Variants in PTK2 observed in about 807,000 individuals in gnomAD.
PTK2 encodes protein tyrosine kinase 2, also known as focal adhesion kinase 1.
In PTK2, 45 loss-of-function variants were observed where a neutral mutation model predicts 150.1. That is an observed-to-expected ratio of 0.30 (90% CI 0.24 to 0.38). The LOEUF (loss-of-function observed/expected upper bound fraction) is 0.38, where lower values mean the gene tolerates loss of function less well. Ranked by LOEUF, PTK2 falls within the 10% of genes least tolerant of loss-of-function variation. PTK2 has a pLI of 1.00. For synonymous variants in PTK2, 432 were observed against 449.2 expected (o/e 0.96, Z 0.48); for missense variants, 919 against 1,307.3 (o/e 0.70, Z 4.58).
At chr8:140,816,051 A>C (rs1243682010) in intron 10 of PTK2, among the ~76,000 whole-genome samples, 1 of 152,186 alleles carries the variant, frequency 6.6e-6, no homozygotes, top group Non-Finnish European at 1.5e-5. Flanking sequence ...GGGAAAGGTA[A>C]AATTATTCTT....
intron 10 of PTK2, among the ~76,000 whole-genome samples, chr8:140,814,843 C>T (rs1322899631): frequency 2.0e-5 from 3 of 150,892 alleles, no homozygotes; most frequent in East Asian, 2.0e-4. Context: ...GACGAAATCT[C>T]GGCTCACTGC....
At chr8:140,957,133 T>C (rs1443018426) in intron 1 of PTK2, among the ~76,000 whole-genome samples, 1 of 151,902 alleles carries the variant, frequency 6.6e-6, no homozygotes, top group African/African-American at 2.4e-5. Flanking sequence ...TCATAGAATA[T>C]GGATATAAAG....
intron 5 of PTK2, among the ~76,000 whole-genome samples, chr8:140,852,551 T>C (rs752003361): frequency 2.6e-5 from 4 of 152,232 alleles, no homozygotes; most frequent in East Asian, 3.8e-4. Context: ...ATATCATGAC[T>C]GAAGTGGTAA....
upstream of PTK2, chr8:141,001,376 A>C (rs1236222896): frequency 6.7e-6 from 1 of 148,988 alleles, no homozygotes; most frequent in Non-Finnish European, 1.5e-5. Flanking sequence ...CTCAGTCCGG[A>C]GTTCCCGCCT....
At chr8:140,725,503 G>A (rs955756749) in intron 22 of PTK2, among the ~76,000 whole-genome samples, 3 of 152,280 alleles carry the variant, frequency 2.0e-5, no homozygotes, top group East Asian at 1.9e-4. Context: ...ACTTTTCAGT[G>A]GCCATTAGTG....
chr8:140,932,459 AC>A (rs2100172177), intron 1 of PTK2, among the ~76,000 whole-genome samples: 1 of 151,886 alleles, frequency 6.6e-6, no homozygotes, highest in African/African-American at 2.4e-5. Context: ...CCAGTGATCC[AC>A]CCGCATCAGC....
At chr8:140,974,890 G>T (rs550330202) in intron 1 of PTK2, among the ~76,000 whole-genome samples, 1 of 152,102 alleles carries the variant, frequency 6.6e-6, no homozygotes, top group South Asian at 2.1e-4. Flanking sequence ...AGAGCAAAAA[G>T]ATCTTCATGA....
intron 1 of PTK2, among the ~76,000 whole-genome samples, chr8:140,942,455 C>A (rs943916105): frequency 9.9e-5 from 15 of 152,084 alleles, no homozygotes; most frequent in African/African-American, 3.4e-4. Context: ...AAATATAAAG[C>A]CTTTAGGCCA....
chr8:140,727,843 C>T (rs576590952), intron 22 of PTK2, among the ~76,000 whole-genome samples: 4 of 152,146 alleles, frequency 2.6e-5, no homozygotes, highest in Non-Finnish European at 5.9e-5. Flanking sequence ...TCATTCAAAT[C>T]TCACAAGAAC....
chr8:140,660,841 T>C (rs868753477), intron 31 of PTK2, among the ~76,000 whole-genome samples: 1 of 152,248 alleles, frequency 6.6e-6, no homozygotes, highest in Non-Finnish European at 1.5e-5. Context: ...TCATGATCCT[T>C]CTTATCTGTT....
chr8:140,973,564 G>A (rs1490374445), intron 1 of PTK2, among the ~76,000 whole-genome samples: 1 of 151,370 alleles, frequency 6.6e-6, no homozygotes, highest in Non-Finnish European at 1.5e-5. Context: ...CAAACTCATA[G>A]GATAGATGTA....
At chr8:140,921,273 G>T in intron 2 of PTK2, 1 of 305,540 alleles carries the variant, frequency 3.3e-6, no homozygotes, top group African/African-American at 2.2e-5. Context: ...AGAAAAAGAA[G>T]GCCAGTAGCC....
At chr8:140,744,078 A>C (rs1426878786) in intron 19 of PTK2, among the ~76,000 whole-genome samples, 1 of 60,942 alleles carries the variant, frequency 1.6e-5, no homozygotes, top group Admixed American at 1.8e-4. Flanking sequence ...CGCCCGGCCT[A>C]TTTCTTTTTT....
At chr8:140,697,731 A>C (rs1394622082) in intron 26 of PTK2, among the ~76,000 whole-genome samples, 3 of 150,870 alleles carry the variant, frequency 2.0e-5, no homozygotes, top group African/African-American at 7.3e-5. Flanking sequence ...TCTTTTGTCT[A>C]TCATTCATAT....
At chr8:140,903,783 C>T (rs1183984143) in intron 2 of PTK2, among the ~76,000 whole-genome samples, 1 of 152,104 alleles carries the variant, frequency 6.6e-6, no homozygotes, top group African/African-American at 2.4e-5. Context: ...TGGGAGTTCA[C>T]TCATGATTTG....
At chr8:140,838,780 G>C (rs2100120384) in intron 7 of PTK2, among the ~76,000 whole-genome samples, 1 of 152,162 alleles carries the variant, frequency 6.6e-6, no homozygotes, top group African/African-American at 2.4e-5. Flanking sequence ...GCCGAGGCGG[G>C]CGGATCACAA....
chr8:140,920,794 T>C lies in PTK2; in HGVS notation c.-33+4867A>G, dbSNP rs2154608268. The C allele has an allele frequency of 5.4e-6, 8 of 1,470,566 alleles. No homozygotes were observed. The East Asian group carries it at 8.0e-5, about 15-fold the overall frequency. The allele number at this position is 1,470,566 out of a possible 1,614,324, so 91.1% of individuals were successfully genotyped here. A position where few individuals can be genotyped will look rare whatever the true frequency, so the allele number is the denominator to read the frequency against. On this transcript the variant is annotated intron_variant, in intron 2 of 31. Coordinates refer to ENST00000522684, the Ensembl canonical transcript of PTK2. The stretch of plus-strand genomic sequence containing the variant: ...GCATGAATTCAAATAAAACGGAACA[T>C]ATTTTTAAGTTATTTATACCTTTAG...
chr8:140,776,855 G>C (rs1024674309), intron 14 of PTK2, among the ~76,000 whole-genome samples: 4 of 152,184 alleles, frequency 2.6e-5, no homozygotes, highest in Admixed American at 2.6e-4. Context: ...GACTGTGGCT[G>C]ACACAAAGTG....
At chr8:140,796,871 TAC>T (rs150855965) in intron 12 of PTK2, among the ~76,000 whole-genome samples, 18 of 151,058 alleles carry the variant, frequency 1.2e-4, no homozygotes, top group East Asian at 1.9e-4. Context: ...AGTTTGGAGA[TAC>T]ACACACACAC....
Sources: allele counts gnomAD v4.1 joint callset (sites outside exome capture counted in the v4.1 genomes callset), GRCh38; gene constraint gnomAD v4.1.1; transcripts MANE v1.5; gene names NCBI Gene and HGNC (gene_info 2026-07-23, HGNC 2026-07-21).